EML4: variants seen among roughly 807,000 people sequenced by gnomAD.
EML4 encodes the protein echinoderm microtubule-associated protein-like 4.
A neutral mutation model predicts 129.0 loss-of-function variants in EML4; 72 were observed. The observed-to-expected ratio is 0.56, with a 90% confidence interval of 0.46 to 0.68. The LOEUF (loss-of-function observed/expected upper bound fraction) is 0.68. Ranked by LOEUF, EML4 falls within the 30% of genes least tolerant of loss-of-function variation. EML4 has a pLI of 0.00. For missense variants in EML4, 1,363 were observed against 1,190.6 expected (o/e 1.14, Z -2.13); for synonymous variants, 532 against 405.0 (o/e 1.31, Z -3.77).
At chr2:42,294,397 T>G (rs1386331572) in intron 11 of EML4, among the ~76,000 whole-genome samples, 1 of 152,236 alleles carries the variant, frequency 6.6e-6, no homozygotes, top group East Asian at 1.9e-4. Context: ...AGTCCTAATC[T>G]CTAAACATTT....
intron 6 of EML4, among the ~76,000 whole-genome samples, chr2:42,265,455 G>A (rs562363140): frequency 6.6e-6 from 1 of 152,180 alleles, no homozygotes; most frequent in East Asian, 1.9e-4. Flanking sequence ...GGCCAGGCTG[G>A]TCTCAAACTC....
At chr2:42,241,877 G>C (rs548732264) in intron 1 of EML4, among the ~76,000 whole-genome samples, 9 of 150,736 alleles carry the variant, frequency 6.0e-5, no homozygotes, top group Admixed American at 4.6e-4. Flanking sequence ...TGTGTGTCGG[G>C]GGGGGGAAGC....
chr2:42,261,320 C>G, intron 4 of EML4, 26 bp downstream of exon 4: 1 of 1,576,456 alleles, frequency 6.3e-7, no homozygotes, highest in Non-Finnish European at 8.6e-7. Context: ...AAGTACAGAG[C>G]TAGGGAATGG....
At chr2:42,219,825 C>G (rs1021110336) in intron 1 of EML4, among the ~76,000 whole-genome samples, 11 of 151,130 alleles carry the variant, frequency 7.3e-5, no homozygotes, top group African/African-American at 2.7e-4. Context: ...ACTTGGGAGG[C>G]TGAGGCAGGA....
intron 3 of EML4, among the ~76,000 whole-genome samples, chr2:42,257,883 G>A (rs556987916): frequency 4.6e-5 from 7 of 151,574 alleles, no homozygotes; most frequent in East Asian, 1.9e-4. Context: ...CTTTGTCGTC[G>A]TCATTACAGA....
intron 6 of EML4, among the ~76,000 whole-genome samples, chr2:42,269,154 C>G (rs1036989836): frequency 1.3e-5 from 2 of 152,156 alleles, no homozygotes; most frequent in Middle Eastern, 3.4e-3. Context: ...GCTACCTGTC[C>G]AAAAATGGCT....
chr2:42,169,677 A>C, intron 1 of EML4, 41 bp downstream of exon 1: 2 of 1,589,174 alleles, frequency 1.3e-6, no homozygotes, highest in Non-Finnish European at 1.7e-6. Context: ...TGCGAAGGGT[A>C]GGAACTTTTT....
intron 1 of EML4, among the ~76,000 whole-genome samples, chr2:42,213,540 A>G (rs987623650): frequency 6.6e-6 from 1 of 152,230 alleles, no homozygotes; most frequent in African/African-American, 2.4e-5. Context: ...AAAAATACTT[A>G]ATGATTGAAT....
intron 1 of EML4, among the ~76,000 whole-genome samples, chr2:42,215,167 C>G (rs913577582): frequency 2.5e-4 from 38 of 152,286 alleles, no homozygotes; most frequent in African/African-American, 7.7e-4. Context: ...TCAAGTGATC[C>G]TCACACTGCA....
chr2:42,316,110 A>ATAGT (rs1426087029), intron 18 of EML4, 60 bp downstream of exon 18: 1 of 1,161,150 alleles, frequency 8.6e-7, no homozygotes, highest in African/African-American at 1.5e-5. Flanking sequence ...CTGCAATTGC[A>ATAGT]TAGTTTTACT....
chr2:42,263,144 G>C lies in EML4; in HGVS notation c.513-34G>C, dbSNP rs561087552. The C allele has an allele frequency of 8.2e-6, 13 of 1,583,196 alleles. No individual in the cohort carries two copies. In the South Asian group the frequency reaches 1.4e-4, roughly 17 times the overall value. On this transcript the variant is annotated intron_variant, in intron 4 of 22. Coordinates refer to ENST00000318522, the MANE Select transcript of EML4 (RefSeq NM_019063.5). Reference sequence around the variant, plus strand: ...GTCAGTTACATGTCTTTGATACTCAGAATTTTTCTCTAAGAAATTAATGTT... The same window carrying C: ...GTCAGTTACATGTCTTTGATACTCACAATTTTTCTCTAAGAAATTAATGTT...
At chr2:42,171,983 C>T (rs910583654) in intron 1 of EML4, among the ~76,000 whole-genome samples, 7 of 151,988 alleles carry the variant, frequency 4.6e-5, no homozygotes, top group African/African-American at 1.7e-4. Context: ...CTTAGAGTTA[C>T]ATTGATCTTT....
chr2:42,189,868 T>C (rs554780253), intron 1 of EML4, among the ~76,000 whole-genome samples: 1 of 152,268 alleles, frequency 6.6e-6, no homozygotes, highest in African/African-American at 2.4e-5. Flanking sequence ...CACAAAATTT[T>C]ATTTAATTAT....
At chr2:42,249,242 TTTAA>T (rs1196660262) in intron 2 of EML4, among the ~76,000 whole-genome samples, 4 of 152,220 alleles carry the variant, frequency 2.6e-5, no homozygotes, top group African/African-American at 7.2e-5. Context: ...GTATTTTTTC[TTTAA>T]TTAAAAAGTA....
At chr2:42,303,777 T>A (rs192863534) in intron 16 of EML4, among the ~76,000 whole-genome samples, 3 of 151,830 alleles carry the variant, frequency 2.0e-5, no homozygotes, top group Non-Finnish European at 2.9e-5. Flanking sequence ...TACAAAAAAT[T>A]AGCCAGGCGT....
Position 42,325,555 on chromosome 2 carries a change from G to A in EML4, c.2242+1G>A, listed in dbSNP as rs1361946120. The A allele has an allele frequency of 8.8e-7, 1 of 1,141,744 alleles. No individual in the cohort carries two copies. 70.7% of individuals were successfully genotyped at this position (1,141,744 alleles called of 1,614,324 possible). A position where few individuals can be genotyped will look rare whatever the true frequency, so the allele number is the denominator to read the frequency against. The stretch of plus-strand genomic sequence containing the variant: ...TCGGGAGACTATGAAATATTGTACT[G>A]TAAGTATGAATGATTTTATATATAT... On this transcript the variant is annotated splice_donor_variant, in intron 20 of 22. Coordinates refer to ENST00000318522, the MANE Select transcript of EML4 (RefSeq NM_019063.5). LOFTEE classifies it high-confidence loss of function.
At chr2:42,174,573 G>A (rs1391569270) in intron 1 of EML4, among the ~76,000 whole-genome samples, 1 of 152,158 alleles carries the variant, frequency 6.6e-6, no homozygotes, top group Non-Finnish European at 1.5e-5. Flanking sequence ...GATTACAGGT[G>A]TGAGCCACTG....
chr2:42,170,454 ATGT>A (rs1471419365), intron 1 of EML4, among the ~76,000 whole-genome samples: 1 of 152,196 alleles, frequency 6.6e-6, no homozygotes, highest in African/African-American at 2.4e-5. Flanking sequence ...TTTTTGGAAG[ATGT>A]TGTCTTTGTG....
At chr2:42,208,459 G>A (rs891518926) in intron 1 of EML4, among the ~76,000 whole-genome samples, 13 of 140,846 alleles carry the variant, frequency 9.2e-5, no homozygotes, top group Admixed American at 7.3e-4. Flanking sequence ...TTTTTTTTGA[G>A]ACAGAATCTC....
Sources: allele counts gnomAD v4.1 joint callset (sites outside exome capture counted in the v4.1 genomes callset), GRCh38; gene constraint gnomAD v4.1.1; transcripts MANE v1.5; gene names NCBI Gene and HGNC (gene_info 2026-07-23, HGNC 2026-07-21).